The following TMEM65 variants were observed in gnomAD, a reference collection of about 807,000 sequenced individuals.
TMEM65 encodes transmembrane protein 65.
A neutral mutation model predicts 25.4 loss-of-function variants in TMEM65; 22 were observed. The observed-to-expected ratio is 0.86, with a 90% CI of 0.62 to 1.23. The LOEUF (loss-of-function observed/expected upper bound fraction) is 1.23, where lower values mean the gene tolerates loss of function less well. Ranked by LOEUF, TMEM65 falls within the 50% of genes most tolerant of loss-of-function variation. The pLI is 0.00. For missense variants in TMEM65, 262 were observed against 308.2 expected (o/e 0.85, Z 1.12); for synonymous variants, 132 against 126.2 (o/e 1.05, Z -0.31).
At chr8:124,322,773 A>G (rs1394281489) in intron 4 of TMEM65, among the ~76,000 whole-genome samples, 2 of 152,012 alleles carry the variant, frequency 1.3e-5, no homozygotes, top group East Asian at 1.9e-4. Context: ...CGAGGCGGGC[A>G]GATCACGAGG....
At chr8:124,369,786 A>G (rs558557145) in intron 1 of TMEM65, among the ~76,000 whole-genome samples, 1 of 152,336 alleles carries the variant, frequency 6.6e-6, no homozygotes, top group South Asian at 2.1e-4. Context: ...AACTATATGT[A>G]TTGATACTGA....
In TMEM65 at chr8:124,347,297, T is replaced by G. The variant is rs991461986; in HGVS notation, c.305-16505A>C. ...ATATATATGTCTTACGTAAAACCCA[T>G]AAAGGCATTTGAGCGTAATCTTGTA... On this transcript the variant is annotated intron_variant, in intron 1 of 6. Transcript: ENST00000297632. Among the ~76,000 whole-genome samples, 179 of 152,324 alleles carry G rather than the reference T, an allele frequency of 1.2e-3. 1 individual carries two copies. The highest frequency in any genetic ancestry group is 4.1e-3 in the African/African-American group (172 of 41,582).
At position 124,371,987 on chromosome 8, in the gene TMEM65, G is replaced by GT; in HGVS notation, c.170dup (p.His57GlnfsTer77). ...GCGCCTCCATGGGCTCCTTCTTGGG[G>GT]TGCGTGCCCAGCCGCCTGGGGCCGC... On this transcript the variant is annotated frameshift_variant, in exon 1 of 7. Transcript: ENST00000297632. LOFTEE classifies it high-confidence loss of function. 7.0e-7 allele frequency: 1 copy of GT among 1,434,544 alleles called. No homozygotes were observed. Among genetic ancestry groups the GT allele is most frequent in the Non-Finnish European group, 9.2e-7 (1 of 1,090,980 alleles). The allele number at this position is 1,434,544 out of a possible 1,614,324, so 88.9% of individuals were successfully genotyped here.
intron 1 of TMEM65, among the ~76,000 whole-genome samples, chr8:124,364,108 A>G (rs987082985): frequency 4.6e-5 from 7 of 152,206 alleles, no homozygotes; most frequent in Non-Finnish European, 1.5e-5. Context: ...TAGTTAGCTG[A>G]AAACACAAAA....
chr8:124,316,144 T>C (rs990616949), intron 6 of TMEM65, among the ~76,000 whole-genome samples: 1 of 152,202 alleles, frequency 6.6e-6, no homozygotes, highest in Non-Finnish European at 1.5e-5. Flanking sequence ...AAAAGTGATA[T>C]ACTTTTCTCA....
intron 1 of TMEM65, among the ~76,000 whole-genome samples, chr8:124,336,954 C>A (rs1814515849): frequency 6.6e-6 from 1 of 151,608 alleles, no homozygotes; most frequent in African/African-American, 2.4e-5. Flanking sequence ...CATTACAGAT[C>A]CCACAGATAT....
intron 6 of TMEM65, among the ~76,000 whole-genome samples, chr8:124,315,205 C>A (rs1814218367): frequency 6.6e-6 from 1 of 152,094 alleles, no homozygotes; most frequent in Non-Finnish European, 1.5e-5. Context: ...CAGGGAAAGA[C>A]AAAATAAGTT....
chr8:124,329,326 T>G (rs920042578), intron 2 of TMEM65, among the ~76,000 whole-genome samples: 2 of 151,932 alleles, frequency 1.3e-5, no homozygotes, highest in Non-Finnish European at 2.9e-5. Flanking sequence ...TAGAAGAGTA[T>G]AATGAAATTC....
At position 124,361,609 on chromosome 8, in the gene TMEM65, A is replaced by T. The variant is rs908949828; in HGVS notation, c.304+10245T>A. Among the ~76,000 whole-genome samples, 125 of 151,660 alleles carry T rather than the reference A, an allele frequency of 8.2e-4. 1 individual carries two copies. Among genetic ancestry groups the T allele is most frequent in the East Asian group, 3.8e-3 (19 of 5,046 alleles). Reference sequence around the variant, plus strand: ...AGCACTTTGGGAGCAGAGGCGGGTGAATCACTTGAGGTCAGGAGTTCGAGA... The same window carrying T: ...AGCACTTTGGGAGCAGAGGCGGGTGTATCACTTGAGGTCAGGAGTTCGAGA... On this transcript the variant is annotated intron_variant, in intron 1 of 6. Coordinates refer to ENST00000297632, the MANE Select transcript of TMEM65 (RefSeq NM_194291.3).
chr8:124,348,363 C>T (rs1814665428), intron 1 of TMEM65, among the ~76,000 whole-genome samples: 1 of 151,810 alleles, frequency 6.6e-6, no homozygotes, highest in South Asian at 2.1e-4. Flanking sequence ...ACTATATATA[C>T]TTCTAAACAC....
intron 1 of TMEM65, among the ~76,000 whole-genome samples, chr8:124,342,660 C>T (rs1176312169): frequency 6.6e-6 from 1 of 152,142 alleles, no homozygotes; most frequent in East Asian, 1.9e-4. Flanking sequence ...TCATTCCTGA[C>T]TCCTGAAAAC....
intron 1 of TMEM65, among the ~76,000 whole-genome samples, chr8:124,337,897 G>A (rs371664963): frequency 1.3e-5 from 2 of 151,980 alleles, no homozygotes; most frequent in Non-Finnish European, 2.9e-5. Flanking sequence ...ATGTTAAAAG[G>A]ATGAGGATAT....
chr8:124,356,066 C>T (rs142174282), intron 1 of TMEM65, among the ~76,000 whole-genome samples: 53 of 152,268 alleles, frequency 3.5e-4, no homozygotes, highest in Non-Finnish European at 6.5e-4. Context: ...GAACATGAAA[C>T]TCTACCTGGA....
intron 1 of TMEM65, among the ~76,000 whole-genome samples, chr8:124,341,594 T>C (rs919461347): frequency 1.3e-5 from 2 of 152,172 alleles, no homozygotes; most frequent in African/African-American, 2.4e-5. Context: ...GTTGCTTTTA[T>C]TGGGTGTTTG....
chr8:124,354,116 C>G (rs1282654617), intron 1 of TMEM65, among the ~76,000 whole-genome samples: 2 of 152,044 alleles, frequency 1.3e-5, no homozygotes, highest in Non-Finnish European at 2.9e-5. Context: ...TGGTTTCTCT[C>G]AAAGACGTGC....
chr8:124,332,769 C>A (rs1426891305), intron 1 of TMEM65, among the ~76,000 whole-genome samples: 1 of 151,972 alleles, frequency 6.6e-6, no homozygotes, highest in African/African-American at 2.4e-5. Flanking sequence ...TAGAAAGTGA[C>A]AATCTTATTA....
chr8:124,310,983 T>C lies in TMEM65; in HGVS notation c.*2977A>G, dbSNP rs1240414277. 6.6e-6 allele frequency: 1 copy of C among 152,194 alleles called. No individual in the cohort carries two copies. Among genetic ancestry groups the C allele is most frequent in the Non-Finnish European group, 1.5e-5 (1 of 68,028 alleles). 9.4% of individuals were successfully genotyped at this position (152,194 alleles called of 1,614,324 possible). ...GTCTTAAGATGGCGAGAAAATATAA[T>C]TCTAAAATTAGAAAGATTTACTTCA... On this transcript the variant is annotated 3_prime_UTR_variant, in exon 7 of 7. Transcript: ENST00000297632.
chr8:124,339,700 G>T (rs560940033), intron 1 of TMEM65, among the ~76,000 whole-genome samples: 1 of 152,016 alleles, frequency 6.6e-6, no homozygotes, highest in African/African-American at 2.4e-5. Flanking sequence ...TTTACTAGAT[G>T]GGATTCAGGA....
intron 1 of TMEM65, among the ~76,000 whole-genome samples, chr8:124,350,135 T>C (rs1390968104): frequency 6.6e-6 from 1 of 151,682 alleles, no homozygotes; most frequent in Non-Finnish European, 1.5e-5. Flanking sequence ...TGTGTGTGTG[T>C]GTGTGTGTGT....
Sources: gnomAD v4.1 joint callset for allele counts (sites outside exome capture counted in the v4.1 genomes callset) on GRCh38, gnomAD v4.1.1 for gene constraint, MANE v1.5 for transcripts, NCBI Gene and HGNC (gene_info 2026-07-23, HGNC 2026-07-21) for gene names.